Variants in LRRC7 observed in about 807,000 individuals in gnomAD.
LRRC7 encodes the protein leucine rich repeat containing 7.
LRRC7 carries 23 observed loss-of-function variants against 175.7 expected under a neutral mutation model. The ratio of observed to expected loss-of-function variants is 0.13; its 90% CI spans 0.09 to 0.19. The LOEUF is 0.19. Ranked by LOEUF, LRRC7 falls within the 10% of genes least tolerant of loss-of-function variation. LRRC7 has a pLI of 1.00. For missense variants in LRRC7, 1,354 were observed against 1,904.7 expected (o/e 0.71, Z 5.38); for synonymous variants, 685 against 680.9 (o/e 1.01, Z -0.09).
chr1:69,587,121 G>GT (rs1319022002), intron 1 of LRRC7, among the ~76,000 whole-genome samples: 1 of 152,106 alleles, frequency 6.6e-6, no homozygotes, highest in Non-Finnish European at 1.5e-5. Context: ...ATAACAGAGT[G>GT]TTTTTCTGAT....
chr1:70,010,139 A>T (rs1007876885), intron 11 of LRRC7, among the ~76,000 whole-genome samples: 1 of 152,244 alleles, frequency 6.6e-6, no homozygotes, highest in African/African-American at 2.4e-5. Flanking sequence ...GATACCCAAG[A>T]TAATACAGTT....
intron 4 of LRRC7, among the ~76,000 whole-genome samples, chr1:69,815,855 A>G (rs1678523025): frequency 6.6e-6 from 1 of 152,188 alleles, no homozygotes; most frequent in African/African-American, 2.4e-5. Context: ...CATATGGCCC[A>G]TAGTGTTCTT....
chr1:69,890,094 C>G (rs994598113), intron 7 of LRRC7, among the ~76,000 whole-genome samples: 1 of 152,174 alleles, frequency 6.6e-6, no homozygotes, highest in African/African-American at 2.4e-5. Context: ...TTGATCTCCT[C>G]TCATAAATTA....
intron 2 of LRRC7, among the ~76,000 whole-genome samples, chr1:69,758,756 A>G (rs181598825): frequency 6.6e-6 from 1 of 151,952 alleles, no homozygotes; most frequent in Non-Finnish European, 1.5e-5. Flanking sequence ...GAGAACATGC[A>G]GTATTTGGTT....
intron 1 of LRRC7, among the ~76,000 whole-genome samples, chr1:69,673,917 G>A (rs1218622190): frequency 1.3e-5 from 2 of 151,918 alleles, no homozygotes; most frequent in Non-Finnish European, 2.9e-5. Flanking sequence ...AGTGACAATA[G>A]CAAAATGATA....
chr1:69,839,752 AC>A (rs1681519272), intron 7 of LRRC7, among the ~76,000 whole-genome samples: 2 of 152,122 alleles, frequency 1.3e-5, no homozygotes, highest in Admixed American at 1.3e-4. Flanking sequence ...CATTTGAAGT[AC>A]AAAATAAACC....
chr1:69,868,914 C>A (rs1191302925), intron 7 of LRRC7, among the ~76,000 whole-genome samples: 1 of 107,252 alleles, frequency 9.3e-6, no homozygotes, highest in Admixed American at 9.8e-5. Flanking sequence ...TATATATGTA[C>A]ATATGTACAT....
chr1:69,928,387 TTGTC>T (rs769520350), intron 7 of LRRC7, among the ~76,000 whole-genome samples: 1 of 152,230 alleles, frequency 6.6e-6, no homozygotes, highest in Non-Finnish European at 1.5e-5. Context: ...GTCTTTTTGT[TTGTC>T]TGTGCACTGC....
At chr1:69,948,848 T>C (rs557965687) in intron 8 of LRRC7, among the ~76,000 whole-genome samples, 1 of 152,286 alleles carries the variant, frequency 6.6e-6, no homozygotes, top group East Asian at 1.9e-4. Flanking sequence ...AGACTTTCAG[T>C]GCTGTTTCGA....
chr1:69,762,906 C>A (rs1053659183), intron 3 of LRRC7, among the ~76,000 whole-genome samples: 3 of 151,872 alleles, frequency 2.0e-5, no homozygotes, highest in Non-Finnish European at 4.4e-5. Context: ...AGAAATTTTA[C>A]ATAATCTTTA....
At chr1:69,804,617 T>C (rs767533095) in intron 4 of LRRC7, among the ~76,000 whole-genome samples, 12 of 151,776 alleles carry the variant, frequency 7.9e-5, no homozygotes, top group African/African-American at 2.9e-4. Flanking sequence ...AATATCTACA[T>C]TGCATGTAAA....
At chr1:69,699,465 G>A (rs891836279) in intron 2 of LRRC7, among the ~76,000 whole-genome samples, 42 of 152,158 alleles carry the variant, frequency 2.8e-4, no homozygotes, top group South Asian at 1.9e-3. Flanking sequence ...ACTTGAACCC[G>A]GGAGGCAGAG....
intron 2 of LRRC7, among the ~76,000 whole-genome samples, chr1:69,749,724 T>G (rs1174064349): frequency 6.6e-6 from 1 of 152,130 alleles, no homozygotes; most frequent in Non-Finnish European, 1.5e-5. Context: ...TATTCAGTTT[T>G]GGGAGTAGTG....
At chr1:70,096,081 G>A (rs989275635) in intron 25 of LRRC7, among the ~76,000 whole-genome samples, 12 of 151,908 alleles carry the variant, frequency 7.9e-5, no homozygotes, top group East Asian at 3.9e-4. Context: ...GGGTTCAAGC[G>A]ATTCTCCTGC....
intron 24 of LRRC7, among the ~76,000 whole-genome samples, chr1:70,078,957 C>A (rs1331962153): frequency 6.6e-6 from 1 of 151,910 alleles, no homozygotes; most frequent in Non-Finnish European, 1.5e-5. Context: ...TCAGTCCCAG[C>A]CTCCTTCATC....
chr1:69,632,289 T>C (rs1221688666), intron 1 of LRRC7, among the ~76,000 whole-genome samples: 2 of 152,154 alleles, frequency 1.3e-5, no homozygotes, highest in South Asian at 2.1e-4. Flanking sequence ...CACTAGACTC[T>C]GAGCTATGTG....
At chr1:70,107,564 A>T (rs1256543220) in intron 25 of LRRC7, among the ~76,000 whole-genome samples, 188 bp from the exon 26 acceptor site, 1 of 152,206 alleles carries the variant, frequency 6.6e-6, no homozygotes, top group East Asian at 1.9e-4. Flanking sequence ...GCAAGCAAAA[A>T]TGTTGCTTCT....
intron 7 of LRRC7, among the ~76,000 whole-genome samples, chr1:69,914,265 C>A (rs1646621406): frequency 1.3e-5 from 2 of 152,186 alleles, no homozygotes; most frequent in African/African-American, 2.4e-5. Flanking sequence ...CAGCCAAATT[C>A]ATGTGGCTTC....
intron 17 of LRRC7, among the ~76,000 whole-genome samples, chr1:70,026,746 A>G (rs1402564116): frequency 6.6e-6 from 1 of 152,012 alleles, no homozygotes; most frequent in African/African-American, 2.4e-5. Context: ...CTGGTTTTTC[A>G]TTTGTTTTCC....
Sources: allele counts gnomAD v4.1 joint callset (sites outside exome capture counted in the v4.1 genomes callset), GRCh38; gene constraint gnomAD v4.1.1; transcripts MANE v1.5; gene names NCBI Gene and HGNC (gene_info 2026-07-23, HGNC 2026-07-21).